The following SRGAP3 variants were observed in gnomAD, a reference collection of about 807,000 sequenced individuals.
SRGAP3 encodes SLIT-ROBO Rho GTPase activating protein 3.
In SRGAP3, 39 loss-of-function variants were observed where a neutral mutation model predicts 121.1. The ratio of observed to expected loss-of-function variants is 0.32; its 90% CI spans 0.25 to 0.42. The LOEUF is 0.42. SRGAP3 is among the 10% of genes least tolerant of loss of function. The pLI is 1.00. For missense variants in SRGAP3, 1,213 were observed against 1,470.6 expected (o/e 0.82, Z 2.86); for synonymous variants, 601 against 570.0 (o/e 1.05, Z -0.77).
intron 3 of SRGAP3, among the ~76,000 whole-genome samples, chr3:9,319,381 G>T (rs1476138809): frequency 6.6e-6 from 1 of 151,822 alleles, no homozygotes; most frequent in Non-Finnish European, 1.5e-5. Context: ...AAATCATTTG[G>T]GCCAAGAGAT....
At chr3:9,242,335 A>T (rs962346679) in intron 1 of SRGAP3, among the ~76,000 whole-genome samples, 7 of 152,282 alleles carry the variant, frequency 4.6e-5, no homozygotes, top group African/African-American at 1.4e-4. Flanking sequence ...ACTAAGAAGG[A>T]TATCAAAGAA....
In SRGAP3 at chr3:9,249,276, C is replaced by T. The variant is rs377659578; in HGVS notation, c.-325G>A. 8.6e-6 allele frequency: 4 copies of T among 462,450 alleles called. No homozygotes were observed. The highest frequency in any genetic ancestry group is 3.4e-5 in the Admixed American group (1 of 29,352). The allele number at this position is 462,450 out of a possible 1,614,324, so 28.6% of individuals were successfully genotyped here. A position where few individuals can be genotyped will look rare whatever the true frequency, so the allele number is the denominator to read the frequency against. On this transcript the variant is annotated 5_prime_UTR_variant, in exon 1 of 22. Transcript: ENST00000383836. ...AATAATAATAATAGTAATAACCAAGCGCACTCACACACACATGCACACGTA... is the reference window on the plus strand; with the variant it reads ...AATAATAATAATAGTAATAACCAAGTGCACTCACACACACATGCACACGTA...
chr3:9,030,186 AATG>A (rs1384867391), intron 12 of SRGAP3, among the ~76,000 whole-genome samples: 10 of 152,060 alleles, frequency 6.6e-5, no homozygotes, highest in Non-Finnish European at 1.5e-4. Context: ...TGAATGAATG[AATG>A]AATGAAATAG....
chr3:9,335,042 G>C (rs1157269524), intron 1 of SRGAP3, among the ~76,000 whole-genome samples: 2 of 152,194 alleles, frequency 1.3e-5, no homozygotes, highest in African/African-American at 4.8e-5. Context: ...AATTGTATCA[G>C]TTAGCTATTC....
chr3:9,025,486 A>G, intron 13 of SRGAP3, 148 bp from the exon 14 acceptor site: 1 of 924,502 alleles, frequency 1.1e-6, no homozygotes, highest in Non-Finnish European at 1.7e-6. Context: ...GAATGTCTCC[A>G]GAAATGGCCT....
intron 3 of SRGAP3, among the ~76,000 whole-genome samples, chr3:9,277,987 CAGCTGGAAG>C (rs1954614321): frequency 6.6e-6 from 1 of 152,140 alleles, no homozygotes; most frequent in Non-Finnish European, 1.5e-5. Flanking sequence ...TGTGAGGACA[CAGCTGGAAG>C]ATGCCATCTA....
chr3:8,993,108 A>G lies in SRGAP3; in HGVS notation c.2409-53T>C, dbSNP rs1163860613. The G allele has an allele frequency of 3.7e-6, 6 of 1,610,110 alleles. No individual in the cohort carries two copies. The East Asian group carries it at 1.1e-4, about 30-fold the overall frequency. Reference sequence around the variant, plus strand: ...GGCACCTTCCCCCAAAGAACCCAGCATATACAGAGCTCCCTGATATGTGTC... The same window carrying G: ...GGCACCTTCCCCCAAAGAACCCAGCGTATACAGAGCTCCCTGATATGTGTC... On this transcript the variant is annotated intron_variant, in intron 19 of 21. Transcript: ENST00000383836.
At chr3:9,294,614 G>C (rs1954921359) in intron 3 of SRGAP3, among the ~76,000 whole-genome samples, 1 of 151,720 alleles carries the variant, frequency 6.6e-6, no homozygotes, top group Admixed American at 6.6e-5. Flanking sequence ...ACACCTGCTT[G>C]ATTCGGACCA....
chr3:9,032,682 G>T lies in SRGAP3; in HGVS notation c.1507C>A (p.Leu503Ile). 1 of 1,613,534 alleles carries T rather than the reference G, an allele frequency of 6.2e-7. No individual in the cohort carries two copies. Among genetic ancestry groups the T allele is most frequent in the Non-Finnish European group, 8.5e-7 (1 of 1,179,824 alleles). ...PRPLSVYSHK[L>I]FNGSMEAFIK... ...AATGCTTCCATACTGCCGTTAAAGAGTTTATGGCTATACACTGAGAGAGGC... is the reference window on the plus strand; with the variant it reads ...AATGCTTCCATACTGCCGTTAAAGATTTTATGGCTATACACTGAGAGAGGC... The change falls in exon 12 of 22, where the codon CTC (leucine) becomes ATC (isoleucine). Residue 503 changes from leucine to isoleucine, a missense_variant. Physicochemically the swap from Leu to Ile is conservative, Grantham distance 5 (BLOSUM62 2). Coordinates refer to ENST00000383836, the MANE Select transcript of SRGAP3 (RefSeq NM_014850.4).
At chr3:9,282,636 G>T (rs896989842) in intron 3 of SRGAP3, among the ~76,000 whole-genome samples, 2 of 150,850 alleles carry the variant, frequency 1.3e-5, no homozygotes, top group African/African-American at 4.9e-5. Context: ...GATTACAGGT[G>T]CCCACTACCA....
chr3:9,362,634 G>A (rs1165248152), intron 1 of SRGAP3, among the ~76,000 whole-genome samples: 1 of 151,978 alleles, frequency 6.6e-6, no homozygotes, highest in Non-Finnish European at 1.5e-5. Flanking sequence ...TTAAACTAAA[G>A]AAAAATATGA....
chr3:9,303,675 G>T (rs200300193), intron 3 of SRGAP3, among the ~76,000 whole-genome samples: 175 of 152,240 alleles, frequency 1.1e-3, no homozygotes, highest in Non-Finnish European at 1.9e-3. Context: ...CATGAGGAAG[G>T]TATAGAATGA....
At chr3:9,058,168 C>G in intron 7 of SRGAP3, 83 bp downstream of exon 7, 1 of 1,462,590 alleles carries the variant, frequency 6.8e-7, no homozygotes, top group Non-Finnish European at 9.6e-7. Context: ...ACTTTCTGTA[C>G]GTGCAACCAG....
chr3:9,250,012 G>A (rs984336401), upstream of SRGAP3, among the ~76,000 whole-genome samples: 9 of 152,156 alleles, frequency 5.9e-5, no homozygotes, highest in African/African-American at 2.2e-4. Context: ...GTAGGGAAAA[G>A]CATCAATATT....
In SRGAP3 at chr3:9,013,390, G is replaced by A; in HGVS notation, c.2065C>T (p.His689Tyr). 6.2e-7 allele frequency: 1 copy of A among 1,614,148 alleles called. No individual in the cohort carries two copies. The highest frequency in any genetic ancestry group is 8.5e-7 in the Non-Finnish European group (1 of 1,180,032). Residue 689 changes from histidine to tyrosine, a missense_variant, in exon 17 of 22, where the codon CAT becomes TAT. This residue lies in a region of SRGAP3 where 793 missense variants were observed against 1,032.9 expected (regional missense o/e 0.77). Coordinates refer to ENST00000383836, the MANE Select transcript of SRGAP3 (RefSeq NM_014850.4). ...GGGCTGGGGAAGATGGCTTCATGAT[G>A]GATGATGATGGTTTTGATGACTTCA... Reference protein sequence around the residue: ...INEVIKTIIIHHEAIFPSPRE... With the variant: ...INEVIKTIIIYHEAIFPSPRE...
At chr3:9,311,947 C>T (rs1955254122) in intron 3 of SRGAP3, among the ~76,000 whole-genome samples, 1 of 152,224 alleles carries the variant, frequency 6.6e-6, no homozygotes, top group Admixed American at 6.5e-5. Flanking sequence ...AAGTAATTTA[C>T]ATGAGTGCTA....
At chr3:9,338,193 G>T (rs986109194) in intron 1 of SRGAP3, among the ~76,000 whole-genome samples, 3 of 152,040 alleles carry the variant, frequency 2.0e-5, no homozygotes, top group South Asian at 2.1e-4. Flanking sequence ...GCTTGCACTT[G>T]GGGGGGAATG....
At chr3:9,317,447 C>T (rs1401254244) in intron 3 of SRGAP3, among the ~76,000 whole-genome samples, 1 of 152,186 alleles carries the variant, frequency 6.6e-6, no homozygotes, top group African/African-American at 2.4e-5. Context: ...TCACTGTTTT[C>T]CTTCCAGAAA....
chr3:9,254,683 C>T (rs1051718091), upstream of SRGAP3, among the ~76,000 whole-genome samples: 67 of 152,034 alleles, frequency 4.4e-4, no homozygotes, highest in African/African-American at 1.4e-3. Context: ...GTGGTCCCAG[C>T]TACTTGGGAG....
Sources: gnomAD v4.1 joint callset for allele counts (sites outside exome capture counted in the v4.1 genomes callset) on GRCh38, gnomAD v4.1.1 for gene constraint, gnomAD v4.1.1 regional missense constraint, MANE v1.5 for transcripts, NCBI Gene and HGNC (gene_info 2026-07-23, HGNC 2026-07-21) for gene names.